Variants in KIAA0825 observed in about 807,000 individuals in gnomAD.
The protein encoded by KIAA0825 is KIAA0825.
In KIAA0825, 119 loss-of-function variants were observed where a neutral mutation model predicts 147.6. The observed-to-expected ratio is 0.81, with a 90% confidence interval of 0.69 to 0.94. The LOEUF (loss-of-function observed/expected upper bound fraction) is 0.94. Ranked by LOEUF, KIAA0825 falls within the 40% of genes least tolerant of loss-of-function variation. The probability of loss-of-function intolerance (pLI) is 0.00; values close to 1 mark genes in which losing one functional copy is unlikely to be tolerated. For synonymous variants in KIAA0825, 470 were observed against 518.1 expected, an observed-to-expected ratio of 0.91 and a Z score of 1.26; for missense variants, 1,381 against 1,472.7, an observed-to-expected ratio of 0.94 and a Z score of 1.02.
chr5:94,178,049 G>T (rs937172732), intron 20 of KIAA0825, among the ~76,000 whole-genome samples: 1 of 151,722 alleles, frequency 6.6e-6, no homozygotes, highest in Non-Finnish European at 1.5e-5. Flanking sequence ...TTTTAGTTAG[G>T]GTTATTCCTA....
chr5:94,261,009 A>G (rs988962896), intron 20 of KIAA0825, among the ~76,000 whole-genome samples: 1 of 152,174 alleles, frequency 6.6e-6, no homozygotes, highest in Non-Finnish European at 1.5e-5. Context: ...ATTCAGTTTT[A>G]AAATAACATT....
At chr5:94,555,785 A>G (rs1776421552) in intron 2 of KIAA0825, among the ~76,000 whole-genome samples, 1 of 152,168 alleles carries the variant, frequency 6.6e-6, no homozygotes, top group South Asian at 2.1e-4. Flanking sequence ...ATAAATTTTA[A>G]TGTTAGCATT....
chr5:94,474,127 C>T (rs1409541353), intron 7 of KIAA0825, among the ~76,000 whole-genome samples: 1 of 152,064 alleles, frequency 6.6e-6, no homozygotes, highest in Non-Finnish European at 1.5e-5. Flanking sequence ...TACTTTTGTT[C>T]CAAGAATGAA....
At chr5:94,499,874 A>G (rs1332942103) in intron 5 of KIAA0825, among the ~76,000 whole-genome samples, 2 of 152,124 alleles carry the variant, frequency 1.3e-5, no homozygotes, top group Non-Finnish European at 2.9e-5. Context: ...CCCTAATTAG[A>G]TATGTTGATA....
At chr5:94,559,739 C>T (rs866246279) in intron 2 of KIAA0825, among the ~76,000 whole-genome samples, 60 of 152,256 alleles carry the variant, frequency 3.9e-4, no homozygotes, top group Middle Eastern at 3.4e-3. Flanking sequence ...AATTATAGTC[C>T]TTCCTCCAAA....
At chr5:94,502,213 C>A (rs1345314371) in intron 5 of KIAA0825, among the ~76,000 whole-genome samples, 2 of 151,974 alleles carry the variant, frequency 1.3e-5, no homozygotes, top group Admixed American at 1.3e-4. Context: ...CATACATACA[C>A]ACATGAATTT....
In KIAA0825 at chr5:94,244,336, G is replaced by T. The variant is rs148184416; in HGVS notation, c.3711-90212C>A. Reference sequence around the variant, plus strand: ...ATTCAAGTTTTGGGTTTGAATCTTGGTTTTTTGTGGGGAGGGAACAGGGTC... The same window carrying T: ...ATTCAAGTTTTGGGTTTGAATCTTGTTTTTTTGTGGGGAGGGAACAGGGTC... On this transcript the variant is annotated intron_variant, in intron 20 of 20. Coordinates refer to ENST00000682413, the MANE Select transcript of KIAA0825 (RefSeq NM_001145678.3). Among the ~76,000 whole-genome samples the T allele has an allele frequency of 9.2e-5, 14 of 152,224 alleles. No individual in the cohort carries two copies. In the East Asian group the frequency reaches 1.9e-3, roughly 21 times the overall value.
intron 6 of KIAA0825, among the ~76,000 whole-genome samples, chr5:94,478,937 A>G (rs1415933910): frequency 2.0e-5 from 3 of 152,172 alleles, no homozygotes; most frequent in Non-Finnish European, 4.4e-5. Flanking sequence ...GAAAATTAAT[A>G]GTTTATTTTT....
intron 12 of KIAA0825, 42 bp from the exon 13 acceptor site, chr5:94,453,111 A>T: frequency 1.1e-6 from 1 of 945,502 alleles, no homozygotes; most frequent in Admixed American, 3.3e-5. Context: ...TACAGGAAGC[A>T]TTAACTATGA....
At chr5:94,201,639 A>G (rs1330149500) in intron 20 of KIAA0825, among the ~76,000 whole-genome samples, 1 of 148,680 alleles carries the variant, frequency 6.7e-6, no homozygotes, top group Non-Finnish European at 1.5e-5. Context: ...GGTAGAGACG[A>G]GGTATTGCTA....
intron 14 of KIAA0825, among the ~76,000 whole-genome samples, chr5:94,430,080 T>A (rs1755464044): frequency 6.6e-6 from 1 of 152,052 alleles, no homozygotes; most frequent in East Asian, 1.9e-4. Context: ...GTGGGGCAAC[T>A]CATGCTGCTG....
At chr5:94,481,191 G>A (rs1294489729) in intron 6 of KIAA0825, among the ~76,000 whole-genome samples, 1 of 152,082 alleles carries the variant, frequency 6.6e-6, no homozygotes, top group Non-Finnish European at 1.5e-5. Flanking sequence ...CCTAGATTAA[G>A]AACCTCAGAA....
At chr5:94,593,619 C>T (rs565488339) in intron 1 of KIAA0825, 5 of 482,890 alleles carry the variant, frequency 1.0e-5, no homozygotes, top group South Asian at 2.3e-5. Context: ...AGCTAACCAA[C>T]GAGTAAGCCC....
intron 20 of KIAA0825, among the ~76,000 whole-genome samples, chr5:94,287,750 G>A (rs1316172870): frequency 6.6e-6 from 1 of 152,128 alleles, no homozygotes; most frequent in Admixed American, 6.6e-5. Flanking sequence ...TTCTAGAAAT[G>A]TGTATTAAAT....
chr5:94,582,107 G>C (rs1782298768), intron 2 of KIAA0825, among the ~76,000 whole-genome samples: 1 of 152,204 alleles, frequency 6.6e-6, no homozygotes, highest in African/African-American at 2.4e-5. Flanking sequence ...TCAGTTAGTG[G>C]TGGTTTTATC....
chr5:94,608,478 TATATATATATATA>T lies in KIAA0825; in HGVS notation c.-153+10009_-153+10021del, dbSNP rs1788008440. Among the ~76,000 whole-genome samples the T allele has an allele frequency of 5.0e-5, 2 of 40,234 alleles. 1 individual carries two copies. The highest frequency in any genetic ancestry group is 1.0e-3 in the Admixed American group (2 of 1,970). The allele number at this position is 40,234 out of a possible 152,430, so 26.4% of individuals were successfully genotyped here. A position where few individuals can be genotyped will look rare whatever the true frequency, so the allele number is the denominator to read the frequency against. ...ATATATATATATTATATATATAATA[TATATATATATATA>T]ATTATATATATATATATTTTTTTTT... On this transcript the variant is annotated intron_variant, in intron 1 of 20. Transcript: ENST00000682413.
At chr5:94,454,464 T>C (rs1758829740) in intron 12 of KIAA0825, among the ~76,000 whole-genome samples, 1 of 152,198 alleles carries the variant, frequency 6.6e-6, no homozygotes, top group Admixed American at 6.5e-5. Flanking sequence ...TTTTTTAGAC[T>C]TTAATATATC....
In KIAA0825 at chr5:94,154,441, A is replaced by C. The variant is rs531872106; in HGVS notation, c.3711-317T>G. 2.1e-4 allele frequency among the ~76,000 whole-genome samples: 32 copies of C among 152,360 alleles called. No homozygotes were observed. In the South Asian group the frequency reaches 6.0e-3, roughly 29 times the overall value. On this transcript the variant is annotated intron_variant, in intron 20 of 20. Coordinates refer to ENST00000682413, the MANE Select transcript of KIAA0825 (RefSeq NM_001145678.3). ...AAATACACATATAAATAAAATCTAG[A>C]ATTAGCAACTAATAAGCAAATATTT... is the stretch of plus-strand genomic sequence containing the variant.
At chr5:94,393,475 C>A (rs1430612900) in intron 17 of KIAA0825, among the ~76,000 whole-genome samples, 1 of 152,192 alleles carries the variant, frequency 6.6e-6, no homozygotes, top group Non-Finnish European at 1.5e-5. Context: ...GCAACACTTA[C>A]AGCTGCCACC....
Sources: allele counts gnomAD v4.1 joint callset (sites outside exome capture counted in the v4.1 genomes callset), GRCh38; gene constraint gnomAD v4.1.1; transcripts MANE v1.5; gene names NCBI Gene and HGNC (gene_info 2026-07-23, HGNC 2026-07-21).